The following RBFOX1 variants were observed in gnomAD, a reference collection of about 807,000 sequenced individuals.
RBFOX1 encodes RNA binding protein fox-1 homolog 1.
RBFOX1 carries 8 observed loss-of-function variants against 57.7 expected under a neutral mutation model. The observed-to-expected ratio is 0.14, with a 90% CI of 0.08 to 0.25. The LOEUF is 0.25. Ranked by LOEUF, RBFOX1 falls within the 10% of genes least tolerant of loss-of-function variation. The pLI is 1.00. For synonymous variants in RBFOX1, 326 were observed against 222.4 expected (o/e 1.47, Z -4.15); for missense variants, 611 against 548.5 (o/e 1.11, Z -1.14).
intron 1 of RBFOX1, among the ~76,000 whole-genome samples, chr16:6,040,570 T>C (rs959066771): frequency 8.0e-5 from 12 of 149,986 alleles, no homozygotes; most frequent in Admixed American, 1.3e-4. Context: ...CTTTCTTTCT[T>C]TCTCTCTCTC....
At chr16:6,572,894 A>G (rs2097365199) in intron 2 of RBFOX1, among the ~76,000 whole-genome samples, 1 of 152,110 alleles carries the variant, frequency 6.6e-6, no homozygotes, top group South Asian at 2.1e-4. Context: ...ATGCCCAGCC[A>G]TCAATAAATA....
At chr16:5,240,437 T>C (rs562510335) in intron 1 of RBFOX1, among the ~76,000 whole-genome samples, 158 of 151,988 alleles carry the variant, frequency 1.0e-3, no homozygotes, top group Non-Finnish European at 1.6e-3. Flanking sequence ...GGGCATCCTG[T>C]CTGGGGCATC....
At chr16:7,509,279 G>C (rs2074307479) in intron 4 of RBFOX1, among the ~76,000 whole-genome samples, 1 of 152,178 alleles carries the variant, frequency 6.6e-6, no homozygotes, top group Non-Finnish European at 1.5e-5. Context: ...GTCTGCTGCT[G>C]CACTTGACTG....
intron 1 of RBFOX1, among the ~76,000 whole-genome samples, chr16:5,418,654 T>C (rs555672674): frequency 1.2e-3 from 179 of 152,204 alleles, no homozygotes; most frequent in African/African-American, 4.2e-3. Context: ...TTGTCCTCGC[T>C]CCTCTCTCCC....
intron 4 of RBFOX1, among the ~76,000 whole-genome samples, chr16:5,900,185 C>T (rs955023999): frequency 2.0e-5 from 3 of 152,174 alleles, no homozygotes; most frequent in African/African-American, 4.8e-5. Context: ...TTTCTCATTA[C>T]ACTCCAAATG....
intron 4 of RBFOX1, among the ~76,000 whole-genome samples, chr16:7,291,941 T>C (rs970100479): frequency 7.3e-5 from 10 of 137,184 alleles, no homozygotes; most frequent in African/African-American, 2.7e-4. Context: ...TTATATATTA[T>C]ATATTATGTA....
intron 9 of RBFOX1, among the ~76,000 whole-genome samples, chr16:7,599,825 C>T (rs965116455): frequency 5.3e-5 from 8 of 150,710 alleles, no homozygotes; most frequent in Non-Finnish European, 7.4e-5. Flanking sequence ...TTTGTAGAGA[C>T]GGAGTTTCAC....
rs769855623 is a variant in RBFOX1, at chr16:6,385,936, TTTC to T, written c.-64+68882_-64+68884del. On this transcript the variant is annotated intron_variant, in intron 2 of 15. Transcript: ENST00000550418. ...ATTAAGAACTCATTTCTTTTTTTTCTTTCTTTTTTTTTTTTTTGAGATGGAGTC... is the reference window on the plus strand; with the variant it reads ...ATTAAGAACTCATTTCTTTTTTTTCTTTTTTTTTTTTTTTGAGATGGAGTC... Among the ~76,000 whole-genome samples the T allele has an allele frequency of 8.3e-3, 462 of 55,894 alleles. 4 individuals carry two copies. Among genetic ancestry groups the T allele is most frequent in the South Asian group, 0.054 (29 of 534 alleles). The allele number at this position is 55,894 out of a possible 152,430, so 36.7% of individuals were successfully genotyped here.
chr16:7,311,691 G>C (rs1242310942), intron 4 of RBFOX1, among the ~76,000 whole-genome samples: 3 of 152,076 alleles, frequency 2.0e-5, no homozygotes, highest in Non-Finnish European at 2.9e-5. Flanking sequence ...GGAACAGCGA[G>C]GTTTACACAC....
In RBFOX1 at chr16:6,832,439, T is replaced by A. The variant is rs566449461; in HGVS notation, c.-16+177789T>A. 7.9e-5 allele frequency among the ~76,000 whole-genome samples: 12 copies of A among 152,278 alleles called. No homozygotes were observed. The South Asian group carries it at 2.5e-3, about 32-fold the overall frequency. On this transcript the variant is annotated intron_variant, in intron 3 of 15. Coordinates refer to ENST00000550418, the MANE Select transcript of RBFOX1 (RefSeq NM_018723.4). The stretch of plus-strand genomic sequence containing the variant: ...GGGTCTGCATTACTCATATTTGCGA[T>A]GAAAATGGTGCCAAAACCCAGCAGT...
chr16:5,817,246 A>C (rs1239982671), intron 3 of RBFOX1, among the ~76,000 whole-genome samples: 2 of 152,068 alleles, frequency 1.3e-5, no homozygotes, highest in Non-Finnish European at 2.9e-5. Context: ...CTATTACGGT[A>C]ATTAAACACA....
intron 1 of RBFOX1, among the ~76,000 whole-genome samples, chr16:6,140,237 G>C (rs57662620): frequency 0.082 from 12,378 of 150,464 alleles, 642 homozygotes; most frequent in African/African-American, 0.13. Flanking sequence ...TCTCACCCAG[G>C]CTGGAGTGCA....
chr16:7,618,905 A>T (rs2058878047), intron 10 of RBFOX1, among the ~76,000 whole-genome samples: 1 of 152,214 alleles, frequency 6.6e-6, no homozygotes, highest in African/African-American at 2.4e-5. Flanking sequence ...GGTTTATGAA[A>T]AATTAATAAA....
chr16:6,880,023 C>T (rs920283236), intron 3 of RBFOX1, among the ~76,000 whole-genome samples: 1 of 152,118 alleles, frequency 6.6e-6, no homozygotes, highest in Non-Finnish European at 1.5e-5. Context: ...CTTGAAGCGC[C>T]TCTGTTTCCT....
chr16:5,442,845 G>A (rs184971881), intron 1 of RBFOX1, among the ~76,000 whole-genome samples: 4 of 152,280 alleles, frequency 2.6e-5, no homozygotes, highest in African/African-American at 9.6e-5. Flanking sequence ...TTGGAAATAA[G>A]GTCTTTGCAG....
chr16:5,417,228 T>TTC (rs2067185401), intron 1 of RBFOX1, among the ~76,000 whole-genome samples: 1 of 152,236 alleles, frequency 6.6e-6, no homozygotes, highest in African/African-American at 2.4e-5. Flanking sequence ...AAGATTAGTG[T>TTC]TAATTTCTGG....
intron 4 of RBFOX1, among the ~76,000 whole-genome samples, chr16:7,284,007 T>C (rs1397433412): frequency 6.6e-6 from 1 of 152,216 alleles, no homozygotes; most frequent in African/African-American, 2.4e-5. Context: ...TGTTGGTGTC[T>C]CCAGAATGTC....
intron 2 of RBFOX1, among the ~76,000 whole-genome samples, chr16:5,572,038 A>G (rs2046301352): frequency 6.6e-6 from 1 of 152,142 alleles, no homozygotes; most frequent in Non-Finnish European, 1.5e-5. Flanking sequence ...AGAGGAACAC[A>G]AGAAGCCCTC....
chr16:5,454,856 T>TCTTTCTTTC (rs776261761), intron 1 of RBFOX1, among the ~76,000 whole-genome samples: 22 of 14,520 alleles, frequency 1.5e-3, no homozygotes, highest in Non-Finnish European at 2.7e-3. Context: ...TTTCTTTCTT[T>TCTTTCTTTC]TCTTTCTTTC....
Sources: gnomAD v4.1 joint callset for allele counts (sites outside exome capture counted in the v4.1 genomes callset) on GRCh38, gnomAD v4.1.1 for gene constraint, MANE v1.5 for transcripts, NCBI Gene and HGNC (gene_info 2026-07-23, HGNC 2026-07-21) for gene names.